Variants in PRR11 observed in about 807,000 individuals in gnomAD.
PRR11 encodes proline-rich protein 11.
In PRR11, 30 loss-of-function variants were observed where a neutral mutation model predicts 45.6. The observed-to-expected ratio is 0.66, with a 90% confidence interval of 0.49 to 0.89. PRR11 has a LOEUF of 0.89. Ranked by LOEUF, PRR11 falls within the 40% of genes least tolerant of loss-of-function variation. PRR11 has a pLI of 0.00. For missense variants in PRR11, 373 were observed against 424.8 expected, an observed-to-expected ratio of 0.88 and a Z score of 1.07; for synonymous variants, 128 against 153.5, an observed-to-expected ratio of 0.83 and a Z score of 1.23.
chr17:59,201,724 A>C lies in PRR11; in HGVS notation c.*93A>C. The C allele has an allele frequency of 7.5e-7, 1 of 1,340,666 alleles. No individual in the cohort carries two copies. The highest frequency in any genetic ancestry group is 2.4e-5 in the East Asian group (1 of 42,454). 83.0% of individuals were successfully genotyped at this position (1,340,666 alleles called of 1,614,324 possible). On this transcript the variant is annotated 3_prime_UTR_variant, in exon 10 of 10. Transcript: ENST00000262293. ...AGTGGCTCACACCTGTAATCCCAGC[A>C]CTTTGGGAGGCTGAGGCAGGTGGAT...
At chr17:59,194,371 G>T (rs937799048) in intron 5 of PRR11, among the ~76,000 whole-genome samples, 5 of 150,772 alleles carry the variant, frequency 3.3e-5, no homozygotes, top group African/African-American at 1.2e-4. Context: ...ATACATTCTT[G>T]TTCTGTGGAA....
chr17:59,200,396 A>G (rs1207443253), intron 9 of PRR11, among the ~76,000 whole-genome samples: 3 of 152,140 alleles, frequency 2.0e-5, no homozygotes, highest in Non-Finnish European at 4.4e-5. Flanking sequence ...GGAGTTTGAA[A>G]CCATCCTGGG....
intron 1 of PRR11, among the ~76,000 whole-genome samples, chr17:59,159,814 C>G (rs2046642787): frequency 6.6e-6 from 1 of 152,152 alleles, no homozygotes; most frequent in Non-Finnish European, 1.5e-5. Flanking sequence ...TTCATCAAAG[C>G]TCAGCTTAGG....
Position 59,174,001 on chromosome 17 carries a change from T to C in PRR11, c.128+4121T>C, listed in dbSNP as rs563034297. 2.6e-5 allele frequency among the ~76,000 whole-genome samples: 4 copies of C among 152,292 alleles called. No homozygotes were observed. In the South Asian group the frequency reaches 8.3e-4, roughly 32 times the overall value. On this transcript the variant is annotated intron_variant, in intron 2 of 9. Coordinates refer to ENST00000262293, the MANE Select transcript of PRR11 (RefSeq NM_018304.4). ...ATTCACGTCCCACATCAAGTCTAAC[T>C]AGAGTTCAGAGCAGTTGAGAAATCA...
At chr17:59,175,573 T>C (rs1259990976) in intron 2 of PRR11, among the ~76,000 whole-genome samples, 1 of 152,146 alleles carries the variant, frequency 6.6e-6, no homozygotes, top group African/African-American at 2.4e-5. Flanking sequence ...ACCAGCCCCA[T>C]ATCTACTAAA....
chr17:59,185,057 C>A lies in PRR11; in HGVS notation c.132C>A (p.Val44=), dbSNP rs761865294. 5 of 1,612,334 alleles carry A rather than the reference C, an allele frequency of 3.1e-6. No individual in the cohort carries two copies. The South Asian group carries it at 4.4e-5, about 14-fold the overall frequency. Residue 44 remains valine, a synonymous_variant, in exon 3 of 10, where the codon GTC becomes GTA. Transcript: ENST00000262293. Reference sequence around the variant, plus strand: ...TTTCATTTTGTTTTTCCTACAGAGTCGGTATTTCTTCAATAGATATATCTC... The same window carrying A: ...TTTCATTTTGTTTTTCCTACAGAGTAGGTATTTCTTCAATAGATATATCTC... ...PPPPPPSPER[V]GISSIDISQS...
At position 59,186,190 on chromosome 17, in the gene PRR11, C is replaced by T. The variant is rs373109539; in HGVS notation, c.402+628C>T. ...CAGCCTAGACTCCAACTCCTAACTC[C>T]TGGGCTCAAGTGATCCTCCTACCTC... On this transcript the variant is annotated intron_variant, in intron 4 of 9. Transcript: ENST00000262293. 5.3e-5 allele frequency among the ~76,000 whole-genome samples: 8 copies of T among 152,168 alleles called. No individual in the cohort carries two copies. The East Asian group carries it at 7.7e-4, about 15-fold the overall frequency.
chr17:59,193,428 A>G, intron 4 of PRR11, 64 bp from the exon 5 acceptor site: 4 of 1,543,212 alleles, frequency 2.6e-6, no homozygotes, highest in Non-Finnish European at 3.6e-6. Context: ...TATTTTGATG[A>G]CTCTCACCCT....
chr17:59,196,470 G>C (rs568556078), intron 7 of PRR11, among the ~76,000 whole-genome samples: 1 of 151,922 alleles, frequency 6.6e-6, no homozygotes, highest in African/African-American at 2.4e-5. Context: ...TCCACCTCCC[G>C]GGTTCCAGCA....
At chr17:59,194,909 C>T in intron 6 of PRR11, 54 bp downstream of exon 6, 1 of 1,422,498 alleles carries the variant, frequency 7.0e-7, no homozygotes, top group Non-Finnish European at 9.9e-7. Flanking sequence ...AATATAGGCT[C>T]ATGCCTATAA....
intron 1 of PRR11, among the ~76,000 whole-genome samples, chr17:59,158,639 C>G (rs530495850): frequency 2.3e-4 from 35 of 152,108 alleles, no homozygotes; most frequent in Non-Finnish European, 3.4e-4. Context: ...TATATGAGTG[C>G]TTATTATACT....
At chr17:59,181,795 C>A (rs1258109611) in intron 2 of PRR11, 3 of 1,544,776 alleles carry the variant, frequency 1.9e-6, no homozygotes, top group Non-Finnish European at 2.6e-6. Flanking sequence ...CAACTGATCA[C>A]CTTAGACCCC....
chr17:59,193,925 A>G (rs2046851879), intron 5 of PRR11, among the ~76,000 whole-genome samples, 191 bp downstream of exon 5: 1 of 152,172 alleles, frequency 6.6e-6, no homozygotes, highest in Non-Finnish European at 1.5e-5. Flanking sequence ...TAGAAGCTGG[A>G]TTGAGAAATG....
chr17:59,171,190 G>T (rs746040208), intron 2 of PRR11, among the ~76,000 whole-genome samples: 9 of 152,166 alleles, frequency 5.9e-5, no homozygotes, highest in Admixed American at 2.0e-4. Flanking sequence ...GTGAGCCCGG[G>T]AGGCAGAGCT....
intron 2 of PRR11, chr17:59,178,501 C>A: frequency 1.9e-6 from 1 of 525,140 alleles, no homozygotes; most frequent in Non-Finnish European, 3.8e-6. Context: ...ATCTTTGTCC[C>A]AGGCGAGGAA....
chr17:59,163,964 C>T (rs1162740466), intron 1 of PRR11, among the ~76,000 whole-genome samples: 2 of 152,154 alleles, frequency 1.3e-5, no homozygotes, highest in Non-Finnish European at 2.9e-5. Flanking sequence ...ACTCAGGAGG[C>T]TGAGGCAGGA....
intron 1 of PRR11, among the ~76,000 whole-genome samples, chr17:59,166,991 G>A (rs533990504): frequency 2.0e-5 from 3 of 152,060 alleles, no homozygotes; most frequent in Admixed American, 6.6e-5. Context: ...GTGAAACCCC[G>A]TCCCCACTAA....
At chr17:59,196,087 C>CAAAAAAAAAAAAAAAAAAAAAACA (rs57940331) in intron 7 of PRR11, among the ~76,000 whole-genome samples, 1 of 71,362 alleles carries the variant, frequency 1.4e-5, no homozygotes, top group Non-Finnish European at 2.8e-5. Context: ...GACTCCATCT[C>CAAAAAAAAAAAAAAAAAAAAAACA]AAAAAAAAAA....
In PRR11 at chr17:59,181,937, G is replaced by A. The variant is rs577703680; in HGVS notation, c.129-3117G>A. 2.7e-4 allele frequency: 292 copies of A among 1,094,892 alleles called. 1 individual carries two copies. Among genetic ancestry groups the A allele is most frequent in the African/African-American group, 2.4e-3 (144 of 60,598 alleles). The allele number at this position is 1,094,892 out of a possible 1,614,324, so 67.8% of individuals were successfully genotyped here. ...CGCTCCTTCCCCTCCCCATTCTTCC[G>A]TATCTCTGTCCTCAGAACACTTCTT... On this transcript the variant is annotated intron_variant, in intron 2 of 9. Transcript: ENST00000262293.
Sources: gnomAD v4.1 joint callset for allele counts (sites outside exome capture counted in the v4.1 genomes callset) on GRCh38, gnomAD v4.1.1 for gene constraint, MANE v1.5 for transcripts, NCBI Gene and HGNC (gene_info 2026-07-23, HGNC 2026-07-21) for gene names.